Variants in RHOQ observed in about 807,000 individuals in gnomAD.
RHOQ encodes the protein ras homolog family member Q, also known as rho-related GTP-binding protein RhoQ.
A neutral mutation model predicts 25.8 loss-of-function variants in RHOQ; 7 were observed. The ratio of observed to expected loss-of-function variants is 0.27; its 90% CI spans 0.15 to 0.51. The LOEUF (loss-of-function observed/expected upper bound fraction) is 0.51, where lower values mean the gene tolerates loss of function less well. Ranked by LOEUF, RHOQ falls within the 20% of genes least tolerant of loss-of-function variation. RHOQ has a pLI of 0.97. For synonymous variants in RHOQ, 97 were observed against 98.6 expected (o/e 0.98, Z 0.10); for missense variants, 165 against 260.6 (o/e 0.63, Z 2.53).
chr2:46,563,895 C>T, intron 2 of RHOQ, among the ~76,000 whole-genome samples: 1 of 152,050 alleles, frequency 6.6e-6, no homozygotes, highest in East Asian at 1.9e-4. Context: ...AGGGATCCTC[C>T]TGCCTTGGCT....
chr2:46,565,000 G>A (rs977125240), intron 2 of RHOQ, among the ~76,000 whole-genome samples: 1 of 152,252 alleles, frequency 6.6e-6, no homozygotes, highest in Non-Finnish European at 1.5e-5. Context: ...GGGCCAGTGA[G>A]TGGCAAATCC....
In RHOQ at chr2:46,556,344, A is replaced by T. The variant is rs1668409474; in HGVS notation, c.201+12532A>T. On this transcript the variant is annotated intron_variant, in intron 2 of 4. Transcript: ENST00000238738. This position sits in a 1 kb window ranked among gnomAD's most constrained non-coding sequence, Gnocchi z 4.9. ...GGCCATTCTTTCCCGGGCTCTGGGGACTATTTTCAGGGTTTCAAGGTACAA... is the reference window on the plus strand; with the variant it reads ...GGCCATTCTTTCCCGGGCTCTGGGGTCTATTTTCAGGGTTTCAAGGTACAA... Among the ~76,000 whole-genome samples, 2 of 151,482 alleles carry T rather than the reference A, an allele frequency of 1.3e-5. No homozygotes were observed. Among genetic ancestry groups the T allele is most frequent in the South Asian group, 4.2e-4 (2 of 4,794 alleles).
rs565412358 is a variant in RHOQ at position 46,580,861 on chromosome 2, G to A, written c.463-67G>A. 26 of 1,085,198 alleles carry A rather than the reference G, an allele frequency of 2.4e-5. No individual in the cohort carries two copies. In the African/African-American group the frequency reaches 2.6e-4, roughly 11 times the overall value. The allele number at this position is 1,085,198 out of a possible 1,614,324, so 67.2% of individuals were successfully genotyped here. A position where few individuals can be genotyped will look rare whatever the true frequency, so the allele number is the denominator to read the frequency against. On this transcript the variant is annotated intron_variant, in intron 4 of 4. Coordinates refer to ENST00000238738, the MANE Select transcript of RHOQ (RefSeq NM_012249.4). ...ATTTTATAATTTTCTTTATAATGAT[G>A]TGTTTATGTCATGCCAATTGTATAA...
rs942428520 is a variant in RHOQ, at chr2:46,582,951, C to T, written c.*1868C>T. The T allele has an allele frequency of 6.6e-6, 1 of 152,150 alleles. No individual in the cohort carries two copies. The highest frequency in any genetic ancestry group is 1.5e-5 in the Non-Finnish European group (1 of 67,986). The allele number at this position is 152,150 out of a possible 1,614,324, so 9.4% of individuals were successfully genotyped here. A position where few individuals can be genotyped will look rare whatever the true frequency, so the allele number is the denominator to read the frequency against. ...GTGGTTCACATTAAAGTATCATGGC[C>T]TTATGTATGCTCAAATGGAATCTTA... On this transcript the variant is annotated 3_prime_UTR_variant, in exon 5 of 5. Transcript: ENST00000238738.
At chr2:46,575,631 G>A (rs1402168215) in intron 2 of RHOQ, among the ~76,000 whole-genome samples, 1 of 152,072 alleles carries the variant, frequency 6.6e-6, no homozygotes, top group Non-Finnish European at 1.5e-5. Flanking sequence ...ATGAAAGTCA[G>A]GATTAAGGGT....
chr2:46,567,082 C>T (rs1430091436), intron 2 of RHOQ, among the ~76,000 whole-genome samples: 1 of 152,136 alleles, frequency 6.6e-6, no homozygotes, highest in African/African-American at 2.4e-5. Context: ...CCTCCCTATA[C>T]ATGTAATTTT....
At chr2:46,571,565 A>G (rs779163124) in intron 2 of RHOQ, among the ~76,000 whole-genome samples, 9 of 152,196 alleles carry the variant, frequency 5.9e-5, no homozygotes, top group Non-Finnish European at 7.3e-5. Context: ...CTGGGCACAT[A>G]GTAGGTGCTT....
chr2:46,544,512 AAAG>A (rs1271532065), intron 2 of RHOQ, among the ~76,000 whole-genome samples: 1 of 152,200 alleles, frequency 6.6e-6, no homozygotes, highest in Admixed American at 6.5e-5. Context: ...AATTGTGCAG[AAAG>A]AAGATGCACA....
At chr2:46,560,342 A>G (rs997115627) in intron 2 of RHOQ, among the ~76,000 whole-genome samples, 1 of 152,106 alleles carries the variant, frequency 6.6e-6, no homozygotes, top group African/African-American at 2.4e-5. Flanking sequence ...ATTACTGTAC[A>G]TGTTAGAGGA....
chr2:46,572,816 T>G (rs1449786846), intron 2 of RHOQ: 1 of 435,576 alleles, frequency 2.3e-6, no homozygotes, highest in Non-Finnish European at 4.6e-6. Flanking sequence ...ATTTGACTTC[T>G]TTGTGTTCTC....
At chr2:46,550,094 G>T (rs947586617) in intron 2 of RHOQ, among the ~76,000 whole-genome samples, 1 of 151,932 alleles carries the variant, frequency 6.6e-6, no homozygotes, top group Admixed American at 6.6e-5. Context: ...AGCCAGATGT[G>T]GTAATGCATG....
rs1328795364 is a variant in RHOQ at position 46,580,620 on chromosome 2, T to C, written c.463-308T>C. The C allele has an allele frequency of 3.9e-5, 8 of 204,602 alleles. No individual in the cohort carries two copies. The South Asian group carries it at 1.3e-3, about 33-fold the overall frequency. The allele number at this position is 204,602 out of a possible 1,614,324, so 12.7% of individuals were successfully genotyped here. A position where few individuals can be genotyped will look rare whatever the true frequency, so the allele number is the denominator to read the frequency against. ...CTCTTACCCAGCAGATGTCAGCACA[T>C]GTGGACGCCACACAGCAGGGACTCT... is the stretch of plus-strand genomic sequence containing the variant. On this transcript the variant is annotated intron_variant, in intron 4 of 4. Transcript: ENST00000238738.
Position 46,581,481 on chromosome 2 carries a change from A to T in RHOQ, c.*398A>T, listed in dbSNP as rs780585821. ...GAAATATCTCCCTTTGCTCCAGTTA[A>T]TTGTTCTTGTATGTAAGTTGCTTTC... is the stretch of plus-strand genomic sequence containing the variant. On this transcript the variant is annotated 3_prime_UTR_variant, in exon 5 of 5. Transcript: ENST00000238738. The T allele has an allele frequency of 5.7e-5, 92 of 1,610,666 alleles. No homozygotes were observed. Among genetic ancestry groups the T allele is most frequent in the Non-Finnish European group, 7.3e-5 (86 of 1,179,180 alleles).
intron 4 of RHOQ, among the ~76,000 whole-genome samples, chr2:46,578,126 T>G (rs1669200885): frequency 6.6e-6 from 1 of 152,162 alleles, no homozygotes; most frequent in Non-Finnish European, 1.5e-5. Context: ...AGATTGCCAT[T>G]GAAGATAGGA....
chr2:46,576,104 G>A lies in RHOQ; in HGVS notation c.219G>A (p.Leu73=). The change falls in exon 3 of 5, where the codon CTG becomes CTA. Residue 73 remains leucine, a synonymous_variant. Transcript: ENST00000238738. This position sits in a 1 kb window ranked among gnomAD's most constrained non-coding sequence, Gnocchi z 5.1. ...DTAGQEDYDR[L]RPLSYPMTDV... is the part of the protein sequence containing the mutation. ...TTCCTCAGGAAGACTATGACCGTCTGAGGCCTTTATCTTACCCAATGACCG... is the reference window on the plus strand; with the variant it reads ...TTCCTCAGGAAGACTATGACCGTCTAAGGCCTTTATCTTACCCAATGACCG... 1 of 1,607,352 alleles carries A rather than the reference G, an allele frequency of 6.2e-7. No individual in the cohort carries two copies. Among genetic ancestry groups the A allele is most frequent in the Non-Finnish European group, 8.5e-7 (1 of 1,177,910 alleles).
In RHOQ at chr2:46,556,835, T is replaced by A. The variant is rs1668424489; in HGVS notation, c.201+13023T>A. 6.6e-6 allele frequency among the ~76,000 whole-genome samples: 1 copy of A among 152,078 alleles called. No homozygotes were observed. The highest frequency in any genetic ancestry group is 2.4e-5 in the African/African-American group (1 of 41,386). On this transcript the variant is annotated intron_variant, in intron 2 of 4. Coordinates refer to ENST00000238738, the MANE Select transcript of RHOQ (RefSeq NM_012249.4). The surrounding 1 kb of genome is among the most constrained non-coding windows in gnomAD (Gnocchi z 4.9). ...ACCTGAGCTTCCCAGATAGGCAAGG[T>A]TTCTGTGGGGCCGTTTAGATTCAGA... is the stretch of plus-strand genomic sequence containing the variant.
Position 46,581,232 on chromosome 2 carries a change from T to G in RHOQ, c.*149T>G. On this transcript the variant is annotated 3_prime_UTR_variant, in exon 5 of 5. Transcript: ENST00000238738. ...GTCCTCAGAATTCTATAAAGTGTAT[T>G]AAGAATGTTCCTTAAAGGTTTAAGA... 1.0e-6 allele frequency: 1 copy of G among 994,184 alleles called. No homozygotes were observed. Among genetic ancestry groups the G allele is most frequent in the Non-Finnish European group, 1.4e-6 (1 of 689,662 alleles). 61.6% of individuals were successfully genotyped at this position (994,184 alleles called of 1,614,324 possible). A position where few individuals can be genotyped will look rare whatever the true frequency, so the allele number is the denominator to read the frequency against.
At chr2:46,564,652 G>A (rs1668672255) in intron 2 of RHOQ, among the ~76,000 whole-genome samples, 1 of 152,250 alleles carries the variant, frequency 6.6e-6, no homozygotes, top group Non-Finnish European at 1.5e-5. Flanking sequence ...GAGGAAGGCA[G>A]CACTGCAGCC....
At chr2:46,553,675 G>A (rs1303497112) in intron 2 of RHOQ, among the ~76,000 whole-genome samples, 3 of 152,068 alleles carry the variant, frequency 2.0e-5, no homozygotes, top group Admixed American at 6.5e-5. Context: ...CACCTCCTGG[G>A]TTCAAGCAAT....
Sources: gnomAD v4.1 joint callset for allele counts (sites outside exome capture counted in the v4.1 genomes callset) on GRCh38, gnomAD v4.1.1 for gene constraint, Gnocchi (gnomAD v3.1) non-coding constraint, MANE v1.5 for transcripts, NCBI Gene and HGNC (gene_info 2026-07-23, HGNC 2026-07-21) for gene names.